Variants in GPHN observed in about 807,000 individuals in gnomAD.
GPHN encodes the protein gephyrin.
Under a neutral mutation model 95.5 loss-of-function variants are expected in GPHN, and 17 were observed. The observed-to-expected ratio is 0.18, with a 90% CI of 0.12 to 0.27. The LOEUF is 0.27. Ranked by LOEUF, GPHN falls within the 10% of genes least tolerant of loss-of-function variation. GPHN has a pLI of 1.00. For missense variants in GPHN, 660 were observed against 978.1 expected (o/e 0.67, Z 4.34); for synonymous variants, 320 against 322.5 (o/e 0.99, Z 0.08).
chr14:66,839,377 C>T (rs2061986539), intron 4 of GPHN, among the ~76,000 whole-genome samples: 1 of 152,110 alleles, frequency 6.6e-6, no homozygotes. Flanking sequence ...AGTGTCTTAC[C>T]CCTCAGCTTC....
At chr14:67,103,600 T>G (rs909080197) in intron 13 of GPHN, among the ~76,000 whole-genome samples, 3 of 149,996 alleles carry the variant, frequency 2.0e-5, no homozygotes, top group Non-Finnish European at 4.4e-5. Context: ...TTTTTACCTC[T>G]TTGGCTAAAT....
At chr14:67,576,964 CTTGT>C in the GPHN span, among the ~76,000 whole-genome samples, 5 of 152,120 alleles carry the variant, frequency 3.3e-5, no homozygotes, top group South Asian at 4.2e-4. The surrounding 1 kb of genome is among the most constrained non-coding windows in gnomAD (Gnocchi z 4.0). Context: ...TGCTCTGAGG[CTTGT>C]TTGTTTCTGA....
At chr14:66,673,547 A>C (rs1007169555) in intron 1 of GPHN, among the ~76,000 whole-genome samples, 1 of 152,246 alleles carries the variant, frequency 6.6e-6, no homozygotes, top group Non-Finnish European at 1.5e-5. Flanking sequence ...AACTTTATAA[A>C]AGCATGCAGA....
chr14:66,571,585 C>T (rs757677506), intron 1 of GPHN, among the ~76,000 whole-genome samples: 61 of 152,046 alleles, frequency 4.0e-4, no homozygotes, highest in Admixed American at 5.9e-4. Flanking sequence ...CTGAGTCAGG[C>T]GAATCACTTG....
At chr14:67,390,798 T>C in the GPHN span, 3 of 1,226,200 alleles carry the variant, frequency 2.4e-6, no homozygotes, top group South Asian at 2.4e-5. Flanking sequence ...CATGTCCCTC[T>C]CTCCTGTATC....
the GPHN span, among the ~76,000 whole-genome samples, chr14:67,362,240 G>A: frequency 1.3e-5 from 2 of 151,602 alleles, no homozygotes; most frequent in African/African-American, 4.8e-5. Flanking sequence ...GGCTGGCCTC[G>A]AACTCCTGGT....
At chr14:67,332,808 A>G in the GPHN span, 1 of 1,613,324 alleles carries the variant, frequency 6.2e-7, no homozygotes, top group Non-Finnish European at 8.5e-7. Context: ...ATCATTGAGA[A>G]GACAAGAGAG....
At chr14:66,773,694 C>A (rs760777272) in intron 2 of GPHN, among the ~76,000 whole-genome samples, 3 of 152,086 alleles carry the variant, frequency 2.0e-5, no homozygotes, top group Non-Finnish European at 4.4e-5. Flanking sequence ...GGTCGTGACT[C>A]TCTTTTGCTT....
At chr14:67,556,733 T>A in the GPHN span, among the ~76,000 whole-genome samples, 3 of 152,226 alleles carry the variant, frequency 2.0e-5, no homozygotes, top group South Asian at 2.1e-4. Context: ...TTTAAAAAAA[T>A]TTTAAATAAA....
chr14:67,217,441 T>G, the GPHN span, among the ~76,000 whole-genome samples: 1 of 152,218 alleles, frequency 6.6e-6, no homozygotes, highest in South Asian at 2.1e-4. Context: ...GACTTACTCA[T>G]GTCATTTTGT....
At chr14:66,881,051 C>G (rs2063906262) in intron 5 of GPHN, among the ~76,000 whole-genome samples, 1 of 151,764 alleles carries the variant, frequency 6.6e-6, no homozygotes, top group African/African-American at 2.4e-5. Flanking sequence ...TAAATGTGTC[C>G]ATTGACTATT....
chr14:67,593,490 C>CA, the GPHN span: 4,615 of 330,138 alleles, frequency 0.014, 14 homozygotes, highest in Non-Finnish European at 0.019. Flanking sequence ...GACCCTGTCT[C>CA]AAAAAAAAAA....
chr14:67,117,904 A>C (rs2078783178), intron 16 of GPHN, among the ~76,000 whole-genome samples: 1 of 152,164 alleles, frequency 6.6e-6, no homozygotes, highest in South Asian at 2.1e-4. Flanking sequence ...GAAATACAGT[A>C]TAACCAATAA....
intron 9 of GPHN, among the ~76,000 whole-genome samples, chr14:67,002,833 T>G (rs2072331253): frequency 6.6e-6 from 1 of 151,650 alleles, no homozygotes; most frequent in African/African-American, 2.4e-5. Context: ...AAGTTATTTT[T>G]TGTTTCAACT....
chr14:66,587,876 T>TGC (rs1566653185), intron 1 of GPHN, among the ~76,000 whole-genome samples: 13 of 151,758 alleles, frequency 8.6e-5, no homozygotes, highest in African/African-American at 2.7e-4. Flanking sequence ...CAGCACAGCA[T>TGC]TCGAGCTCTG....
intron 20 of GPHN, 68 bp from the exon 21 acceptor site, chr14:67,168,865 A>G: frequency 1.0e-6 from 1 of 1,001,666 alleles, no homozygotes; most frequent in Non-Finnish European, 1.6e-6. Context: ...CCAAAGATAT[A>G]GACAGACATA....
At chr14:67,274,246 C>A in the GPHN span, among the ~76,000 whole-genome samples, 4 of 152,124 alleles carry the variant, frequency 2.6e-5, no homozygotes, top group Middle Eastern at 3.4e-3. Flanking sequence ...TAGGGTTTTT[C>A]TGGTTTTAGG....
chr14:67,721,567 C>T, the GPHN span, among the ~76,000 whole-genome samples: 8 of 152,032 alleles, frequency 5.3e-5, no homozygotes, highest in Admixed American at 2.6e-4. Flanking sequence ...ACATCACCCA[C>T]GTTCATCATC....
At chr14:67,042,544 T>A (rs2074764664) in intron 10 of GPHN, among the ~76,000 whole-genome samples, 1 of 152,202 alleles carries the variant, frequency 6.6e-6, no homozygotes, top group South Asian at 2.1e-4. Context: ...GTTGTAGATG[T>A]GTGGTGTTAT....
Sources: gnomAD v4.1 joint callset for allele counts (sites outside exome capture counted in the v4.1 genomes callset) on GRCh38, gnomAD v4.1.1 for gene constraint, Gnocchi (gnomAD v3.1) non-coding constraint, MANE v1.5 for transcripts, NCBI Gene and HGNC (gene_info 2026-07-23, HGNC 2026-07-21) for gene names.